The following XYLT1 variants were observed in gnomAD, a reference collection of about 807,000 sequenced individuals.
The protein encoded by XYLT1 is xylosyltransferase 1, also known as beta-D-xylosyltransferase 1.
A neutral mutation model predicts 91.3 loss-of-function variants in XYLT1; 36 were observed. The ratio of observed to expected loss-of-function variants is 0.39; its 90% CI spans 0.30 to 0.52. XYLT1 has a LOEUF of 0.52. Among genes scored for constraint, XYLT1 ranks in the 20% least tolerant of loss-of-function variants. The probability of loss-of-function intolerance (pLI) is 0.68; values close to 1 mark genes in which losing one functional copy is unlikely to be tolerated. For synonymous variants in XYLT1, 588 were observed against 532.0 expected (o/e 1.11, Z -1.45); for missense variants, 1,242 against 1,284.5 (o/e 0.97, Z 0.51).
intron 5 of XYLT1, among the ~76,000 whole-genome samples, chr16:17,197,317 TTC>T (rs1367056959): frequency 3.9e-5 from 6 of 152,144 alleles, no homozygotes; most frequent in Admixed American, 6.5e-5. Flanking sequence ...TCTTCTTCTG[TTC>T]TTATCCGTGA....
chr16:17,392,847 C>T lies in XYLT1; in HGVS notation c.364-34797G>A, dbSNP rs9921614. Among the ~76,000 whole-genome samples, 518 of 152,262 alleles carry T rather than the reference C, an allele frequency of 3.4e-3. 6 individuals are homozygous for T. Among genetic ancestry groups the T allele is most frequent in the African/African-American group, 0.012 (494 of 41,532 alleles). The stretch of plus-strand genomic sequence containing the variant: ...AAGACAAATGTATATTTGACGTTTC[C>T]CTCCACTTTATGTTTACTTTATCCC... On this transcript the variant is annotated intron_variant, in intron 1 of 11. Transcript: ENST00000261381.
At chr16:17,401,490 A>G (rs894830348) in intron 1 of XYLT1, among the ~76,000 whole-genome samples, 1 of 152,214 alleles carries the variant, frequency 6.6e-6, no homozygotes, top group Non-Finnish European at 1.5e-5. Context: ...GTGTTCTGCA[A>G]CTGAGTTTTT....
At chr16:17,146,538 A>G (rs1055353608) in intron 6 of XYLT1, among the ~76,000 whole-genome samples, 29 of 152,316 alleles carry the variant, frequency 1.9e-4, no homozygotes, top group African/African-American at 6.0e-4. Context: ...TGAATACGAA[A>G]AAACAAGGAC....
At chr16:17,384,101 G>A (rs2035718062) in intron 1 of XYLT1, among the ~76,000 whole-genome samples, 1 of 151,810 alleles carries the variant, frequency 6.6e-6, no homozygotes, top group East Asian at 2.0e-4. Flanking sequence ...ATAAGATGAG[G>A]ATAACATTAG....
intron 1 of XYLT1, among the ~76,000 whole-genome samples, chr16:17,431,296 T>C (rs8046171): frequency 0.38 from 58,135 of 152,014 alleles, 12,438 homozygotes; most frequent in African/African-American, 0.55. Context: ...CGTGCACATC[T>C]ATCGCCTGGG....
At chr16:17,305,349 G>C (rs2034454687) in intron 2 of XYLT1, among the ~76,000 whole-genome samples, 1 of 151,918 alleles carries the variant, frequency 6.6e-6, no homozygotes, top group South Asian at 2.1e-4. Flanking sequence ...AATGGAGTTT[G>C]TGTGTATGTG....
At chr16:17,374,417 C>T (rs1454827144) in intron 1 of XYLT1, among the ~76,000 whole-genome samples, 1 of 152,200 alleles carries the variant, frequency 6.6e-6, no homozygotes, top group Non-Finnish European at 1.5e-5. Context: ...AGCCTTCACT[C>T]CTACTCCCTA....
At chr16:17,419,549 T>C (rs1245614784) in intron 1 of XYLT1, among the ~76,000 whole-genome samples, 1 of 152,156 alleles carries the variant, frequency 6.6e-6, no homozygotes, top group African/African-American at 2.4e-5. Flanking sequence ...CATAATACAG[T>C]GGCCTTTCAA....
At chr16:17,235,129 T>C (rs2033227231) in intron 3 of XYLT1, among the ~76,000 whole-genome samples, 1 of 152,108 alleles carries the variant, frequency 6.6e-6, no homozygotes, top group Non-Finnish European at 1.5e-5. Context: ...AAAAGTAGCT[T>C]GTTCCAGTTC....
intron 1 of XYLT1, among the ~76,000 whole-genome samples, chr16:17,408,823 G>A (rs1007329292): frequency 4.6e-5 from 7 of 152,042 alleles, no homozygotes; most frequent in African/African-American, 7.2e-5. Context: ...ACTCCAGCCC[G>A]GGCAACAAGA....
intron 5 of XYLT1, among the ~76,000 whole-genome samples, chr16:17,179,188 G>C (rs2032011102): frequency 6.6e-6 from 1 of 152,138 alleles, no homozygotes. Flanking sequence ...TAAACATTGA[G>C]TACACACGGA....
At chr16:17,296,214 GAACAAAACAA>G (rs539805772) in intron 2 of XYLT1, among the ~76,000 whole-genome samples, 7 of 151,714 alleles carry the variant, frequency 4.6e-5, no homozygotes, top group Admixed American at 2.0e-4. Context: ...CAGTCCAAGG[GAACAAAACAA>G]AACAAAACAA....
chr16:17,175,034 T>C (rs117030905), intron 5 of XYLT1, among the ~76,000 whole-genome samples: 1,623 of 152,320 alleles, frequency 0.011, 13 homozygotes, highest in Non-Finnish European at 0.016. Flanking sequence ...GCCTCCCAAA[T>C]TGCTGGGATT....
intron 2 of XYLT1, 60 bp downstream of exon 2, chr16:17,357,952 C>A (rs147922496): frequency 1.3e-6 from 2 of 1,583,682 alleles, no homozygotes; most frequent in East Asian, 2.2e-5. Flanking sequence ...CGGGACAAGT[C>A]CCCTTGAGAG....
In XYLT1 at chr16:17,278,357, G is replaced by T. The variant is rs182777202; in HGVS notation, c.403-18859C>A. Among the ~76,000 whole-genome samples the T allele has an allele frequency of 7.9e-5, 12 of 152,274 alleles. No homozygotes were observed. The East Asian group carries it at 1.7e-3, about 22-fold the overall frequency. ...CAGCTGCACCTTGATACTGAAGCCGGGCTGCTTCCCTTTGGACAGTCAGGA... is the reference window on the plus strand; with the variant it reads ...CAGCTGCACCTTGATACTGAAGCCGTGCTGCTTCCCTTTGGACAGTCAGGA... On this transcript the variant is annotated intron_variant, in intron 2 of 11. Coordinates refer to ENST00000261381, the MANE Select transcript of XYLT1 (RefSeq NM_022166.4).
intron 1 of XYLT1, among the ~76,000 whole-genome samples, chr16:17,422,090 C>T (rs1404769739): frequency 6.6e-6 from 1 of 152,120 alleles, no homozygotes; most frequent in African/African-American, 2.4e-5. Context: ...TCACGCCATT[C>T]TCCTGCCTCA....
intron 3 of XYLT1, among the ~76,000 whole-genome samples, chr16:17,232,802 G>C (rs143761996): frequency 6.6e-6 from 1 of 152,118 alleles, no homozygotes; most frequent in African/African-American, 2.4e-5. Context: ...CTTCGTCATG[G>C]TGTTGGTGAT....
At chr16:17,432,732 C>T (rs573417438) in intron 1 of XYLT1, among the ~76,000 whole-genome samples, 6 of 152,068 alleles carry the variant, frequency 3.9e-5, no homozygotes, top group Non-Finnish European at 7.4e-5. Flanking sequence ...TTTTTCATCG[C>T]TCACCTCTCT....
intron 3 of XYLT1, among the ~76,000 whole-genome samples, chr16:17,230,577 A>G (rs572377867): frequency 6.6e-6 from 1 of 152,250 alleles, no homozygotes; most frequent in Admixed American, 6.5e-5. Flanking sequence ...GTCTTCATCC[A>G]TTCTCCGTTT....
Sources: allele counts gnomAD v4.1 joint callset (sites outside exome capture counted in the v4.1 genomes callset), GRCh38; gene constraint gnomAD v4.1.1; transcripts MANE v1.5; gene names NCBI Gene and HGNC (gene_info 2026-07-23, HGNC 2026-07-21).